The following ANKRD26 variants were observed in gnomAD, a reference collection of about 807,000 sequenced individuals.
The protein encoded by ANKRD26 is ankyrin repeat domain 26.
ANKRD26 carries 141 observed loss-of-function variants against 208.7 expected under a neutral mutation model. The ratio of observed to expected loss-of-function variants is 0.68; its 90% confidence interval spans 0.59 to 0.78. The LOEUF (loss-of-function observed/expected upper bound fraction) is 0.78, where lower values mean the gene tolerates loss of function less well. Among genes scored for constraint, ANKRD26 ranks in the 30% least tolerant of loss-of-function variants. The pLI, the probability that ANKRD26 is intolerant of heterozygous loss-of-function variation, is 0.00. For synonymous variants in ANKRD26, 636 were observed against 660.4 expected, an observed-to-expected ratio of 0.96 and a Z score of 0.57; for missense variants, 1,889 against 1,938.7, an observed-to-expected ratio of 0.97 and a Z score of 0.48.
chr10:26,948,350 C>T, the ANKRD26 span, among the ~76,000 whole-genome samples: 4 of 152,176 alleles, frequency 2.6e-5, no homozygotes, highest in African/African-American at 9.7e-5. Context: ...GGCATCCTTT[C>T]GAGAAGCATT....
chr10:26,965,120 G>GA, the ANKRD26 span, among the ~76,000 whole-genome samples: 2 of 151,932 alleles, frequency 1.3e-5, no homozygotes, highest in South Asian at 4.1e-4. Context: ...CACAGAATTG[G>GA]AAAAAAACTA....
intron 5 of ANKRD26, among the ~76,000 whole-genome samples, chr10:26,979,045 AC>A (rs1212149061): frequency 7.9e-5 from 12 of 152,106 alleles, no homozygotes; most frequent in Non-Finnish European, 1.5e-5. Flanking sequence ...ACACAGTGAA[AC>A]CCCATCTCTA....
At chr10:27,016,480 T>G (rs1304220537) in intron 30 of ANKRD26, among the ~76,000 whole-genome samples, 1 of 152,132 alleles carries the variant, frequency 6.6e-6, no homozygotes, top group Admixed American at 6.5e-5. Flanking sequence ...GTTTTCACTA[T>G]GTTGGCCAGG....
intron 6 of ANKRD26, among the ~76,000 whole-genome samples, chr10:27,081,777 A>G (rs944233893): frequency 9.2e-5 from 14 of 152,024 alleles, no homozygotes; most frequent in Admixed American, 5.2e-4. Context: ...CCGCTCTGTC[A>G]CCCAGGCTGG....
At chr10:26,954,591 A>G in the ANKRD26 span, among the ~76,000 whole-genome samples, 1 of 152,090 alleles carries the variant, frequency 6.6e-6, no homozygotes, top group African/African-American at 2.4e-5. Flanking sequence ...ATGTTTATTA[A>G]ATAATTTGGT....
At chr10:27,006,862 AT>A in intron 33 of ANKRD26, 54 bp downstream of exon 33, 1 of 1,393,494 alleles carries the variant, frequency 7.2e-7, no homozygotes. Context: ...TTTACAATTT[AT>A]TTCAGAAATC....
At chr10:27,083,987 GGCA>G (rs1413061047) in intron 5 of ANKRD26, among the ~76,000 whole-genome samples, 3 of 152,142 alleles carry the variant, frequency 2.0e-5, no homozygotes, top group Non-Finnish European at 4.4e-5. Context: ...GGCTGAGGCG[GGCA>G]GAACATGAGG....
In ANKRD26 at chr10:27,018,141, A is replaced by ATTTTTTTTT. The variant is rs11346457; in HGVS notation, c.4216-358_4216-350dup. 3.0e-5 allele frequency among the ~76,000 whole-genome samples: 4 copies of ATTTTTTTTT among 131,160 alleles called. 1 individual carries two copies. Among genetic ancestry groups the ATTTTTTTTT allele is most frequent in the East Asian group, 4.6e-4 (2 of 4,390 alleles). 86.0% of individuals were successfully genotyped at this position (131,160 alleles called of 152,430 possible). A position where few individuals can be genotyped will look rare whatever the true frequency, so the allele number is the denominator to read the frequency against. ...ACTTCCCCCATAAACATGCCCTATA[A>ATTTTTTTTT]TTTTTTTTTTTTTTTTTTAGTCTTG... On this transcript the variant is annotated intron_variant, in intron 29 of 33. Transcript: ENST00000376087.
At chr10:27,029,195 C>T in intron 26 of ANKRD26, 91 bp downstream of exon 26, 1 of 1,424,004 alleles carries the variant, frequency 7.0e-7, no homozygotes, top group Non-Finnish European at 9.7e-7. Flanking sequence ...CACAGATGTA[C>T]TTATGATCAT....
intron 1 of ANKRD26, among the ~76,000 whole-genome samples, chr10:27,094,500 T>C (rs192789151): frequency 2.2e-3 from 338 of 152,246 alleles, no homozygotes; most frequent in African/African-American, 7.7e-3. Flanking sequence ...AGTTTCCTCA[T>C]CAATAAAATG....
At chr10:27,019,124 C>CA (rs1021572592) in intron 29 of ANKRD26, among the ~76,000 whole-genome samples, 16 of 151,840 alleles carry the variant, frequency 1.1e-4, no homozygotes, top group African/African-American at 3.9e-4. Context: ...ACTAAAAATA[C>CA]AAAAAATTAG....
chr10:26,995,553 G>A (rs1459480720), intron 4 of ANKRD26, among the ~76,000 whole-genome samples: 1 of 152,188 alleles, frequency 6.6e-6, no homozygotes, highest in Non-Finnish European at 1.5e-5. Flanking sequence ...AGAAGTTGGT[G>A]GGCAAGGGAG....
In ANKRD26 at chr10:27,013,129, A is replaced by G. The variant is rs377490935; in HGVS notation, c.4725-19T>C. On this transcript the variant is annotated intron_variant, in intron 31 of 33. Transcript: ENST00000376087. ...ATTAGTTCTGTGAAGATTGCAGAAG[A>G]CACATGCTTAGTATTTTACTTTTCC... The G allele has an allele frequency of 1.9e-6, 3 of 1,600,158 alleles. No individual in the cohort carries two copies. The African/African-American group carries it at 4.0e-5, about 21-fold the overall frequency.
rs78316620 is a variant in ANKRD26, at chr10:27,036,159, C to T, written c.2698-407G>A. ...TTGGCTCTACATATATTTGGACAGA[C>T]GAAATTTCCTGAAGTTTTTCAAGTT... On this transcript the variant is annotated intron_variant, in intron 23 of 33. Coordinates refer to ENST00000376087, the MANE Select transcript of ANKRD26 (RefSeq NM_014915.3). 9.2e-3 allele frequency among the ~76,000 whole-genome samples: 1,406 copies of T among 152,134 alleles called. 26 individuals are homozygous for T. The highest frequency in any genetic ancestry group is 0.032 in the African/African-American group (1,341 of 41,552).
In ANKRD26 at chr10:27,040,159, T is replaced by C. The variant is rs1564379928; in HGVS notation, c.2181A>G (p.Lys727=). The part of the protein sequence containing the change: ...MECKDSVSLL[K]IQDAALSCER... ...CACATGAAAGAGCTGCATCCTGGAT[T>C]TTCAATAGGCTAACAGAATCTGTAT... The change falls in exon 21 of 34, where the codon AAA becomes AAG. Residue 727 remains lysine, a synonymous_variant. Transcript: ENST00000376087. 1 of 1,612,094 alleles carries C rather than the reference T, an allele frequency of 6.2e-7. No individual in the cohort carries two copies. The highest frequency in any genetic ancestry group is 8.5e-7 in the Non-Finnish European group (1 of 1,179,024).
chr10:26,994,603 G>C (rs1281637446), intron 5 of ANKRD26, among the ~76,000 whole-genome samples: 1 of 152,186 alleles, frequency 6.6e-6, no homozygotes, highest in Non-Finnish European at 1.5e-5. Flanking sequence ...ATGGGGGCTG[G>C]TGGCTCAAAT....
intron 32 of ANKRD26, among the ~76,000 whole-genome samples, chr10:27,012,350 A>C (rs561465898): frequency 6.6e-6 from 1 of 152,236 alleles, no homozygotes; most frequent in East Asian, 1.9e-4. Context: ...TTTATTGAAT[A>C]AAGTTAACAA....
intron 5 of ANKRD26, among the ~76,000 whole-genome samples, chr10:26,978,666 C>A (rs2052261919): frequency 6.6e-6 from 1 of 152,128 alleles, no homozygotes; most frequent in African/African-American, 2.4e-5. Context: ...TCTGGTATCC[C>A]TGGGATCCAC....
intron 19 of ANKRD26, among the ~76,000 whole-genome samples, chr10:27,043,947 C>A (rs558186723): frequency 4.6e-5 from 7 of 151,778 alleles, no homozygotes; most frequent in Non-Finnish European, 8.8e-5. Context: ...ATGCTCACCA[C>A]GCCTGGTTAA....
Sources: allele counts gnomAD v4.1 joint callset (sites outside exome capture counted in the v4.1 genomes callset), GRCh38; gene constraint gnomAD v4.1.1; transcripts MANE v1.5; gene names NCBI Gene and HGNC (gene_info 2026-07-23, HGNC 2026-07-21).